The following SMAD9 variants were observed in gnomAD, a reference collection of about 807,000 sequenced individuals.
SMAD9 encodes the protein SMAD family member 9, also known as MAD homolog 9.
A neutral mutation model predicts 46.1 loss-of-function variants in SMAD9; 36 were observed. The ratio of observed to expected loss-of-function variants is 0.78; its 90% CI spans 0.60 to 1.03. The LOEUF (loss-of-function observed/expected upper bound fraction) is 1.03. Among genes scored for constraint, SMAD9 ranks in the 50% least tolerant of loss-of-function variants. SMAD9 has a pLI of 0.00. For missense variants in SMAD9, 572 were observed against 599.8 expected, an observed-to-expected ratio of 0.95 and a Z score of 0.48; for synonymous variants, 245 against 237.1, an observed-to-expected ratio of 1.03 and a Z score of -0.31.
At chr13:36,901,401 T>G (rs548596121) in intron 1 of SMAD9, among the ~76,000 whole-genome samples, 2 of 151,492 alleles carry the variant, frequency 1.3e-5, no homozygotes, top group Non-Finnish European at 2.9e-5. Flanking sequence ...TATATCACTG[T>G]GGGTTTGGCT....
Position 36,863,012 on chromosome 13 carries a change from AGTAAGTACTC to A in SMAD9, c.1003+2515_1003+2524del, listed in dbSNP as rs1168129927. Among the ~76,000 whole-genome samples, 3 of 152,344 alleles carry A rather than the reference AGTAAGTACTC, an allele frequency of 2.0e-5. No homozygotes were observed. In the East Asian group the frequency reaches 5.8e-4, roughly 29 times the overall value. ...CCAGTCTGGCTGAGAGGCGATGCTC[AGTAAGTACTC>A]GTGAGATGAATGCATATTACTAAAA... On this transcript the variant is annotated intron_variant, in intron 5 of 6. Coordinates refer to ENST00000379826, the MANE Select transcript of SMAD9 (RefSeq NM_001127217.3).
At chr13:36,888,180 C>T (rs1032471282) in intron 1 of SMAD9, among the ~76,000 whole-genome samples, 6 of 152,208 alleles carry the variant, frequency 3.9e-5, no homozygotes, top group African/African-American at 1.4e-4. Flanking sequence ...CAAATCTCAT[C>T]TTGAACTGTA....
At chr13:36,853,964 G>T (rs888605695) in intron 5 of SMAD9, among the ~76,000 whole-genome samples, 1 of 152,118 alleles carries the variant, frequency 6.6e-6, no homozygotes, top group Non-Finnish European at 1.5e-5. Context: ...TTCAAGACTA[G>T]CCTGGCCAAC....
At chr13:36,858,192 G>T (rs956745030) in intron 5 of SMAD9, among the ~76,000 whole-genome samples, 5 of 151,950 alleles carry the variant, frequency 3.3e-5, no homozygotes, top group African/African-American at 9.7e-5. Context: ...CAATAAAAAA[G>T]TTTTAATGGG....
At chr13:36,869,218 C>A (rs1179914945) in intron 3 of SMAD9, among the ~76,000 whole-genome samples, 4 of 151,514 alleles carry the variant, frequency 2.6e-5, no homozygotes, top group Non-Finnish European at 5.9e-5. Flanking sequence ...TATGAATGCA[C>A]CTAATGCCAT....
Position 36,853,488 on chromosome 13 carries a change from T to C in SMAD9, c.1191A>G (p.Ser397=), listed in dbSNP as rs1593548211. The change falls in exon 6 of 7, where the codon TCA becomes TCG. Residue 397 remains serine (S), a synonymous_variant. Transcript: ENST00000379826. Reference sequence around the variant, plus strand: ...ACACGACTTCAAAGCCGTGGTGAACTGACTGGGCCAGGAGCTGAGCGAAGA... The same window carrying C: ...ACACGACTTCAAAGCCGTGGTGAACCGACTGGGCCAGGAGCTGAGCGAAGA... ...NQLFAQLLAQ[S]VHHGFEVVYE... The C allele has an allele frequency of 1.9e-6, 3 of 1,614,144 alleles. No individual in the cohort carries two copies. The highest frequency in any genetic ancestry group is 1.7e-6 in the Non-Finnish European group (2 of 1,180,016).
intron 1 of SMAD9, among the ~76,000 whole-genome samples, chr13:36,913,084 TTTTA>T (rs757296378): frequency 5.1e-4 from 78 of 152,324 alleles, no homozygotes; most frequent in Non-Finnish European, 9.1e-4. Context: ...ATATCTTATT[TTTTA>T]TTTGTGTTAT....
intron 5 of SMAD9, among the ~76,000 whole-genome samples, chr13:36,860,473 G>A (rs2058170351): frequency 7.2e-6 from 1 of 138,072 alleles, no homozygotes; most frequent in Admixed American, 7.4e-5. Context: ...TTTTTGAGAT[G>A]GAGTCTCGCT....
In SMAD9 at chr13:36,872,875, G is replaced by A. The variant is rs770177338; in HGVS notation, c.453C>T (p.Asn151=). The A allele has an allele frequency of 6.2e-7, 1 of 1,614,096 alleles. No individual in the cohort carries two copies. Among genetic ancestry groups the A allele is most frequent in the Non-Finnish European group, 8.5e-7 (1 of 1,179,998 alleles). Residue 151 remains asparagine (N), a synonymous_variant, in exon 3 of 7, where the codon AAC becomes AAT. Transcript: ENST00000379826. ...ACTTGGCCAGGAGGCTGAGCTGGGG[G>A]TTATATTCACTGTGTCTTGGCACGA... is the stretch of plus-strand genomic sequence containing the variant. ...PVLVPRHSEY[N]PQLSLLAKFR... is the part of the protein sequence containing the mutation.
rs895659165 is a variant in SMAD9, at chr13:36,846,729, A to G, written c.*1947T>C. On this transcript the variant is annotated 3_prime_UTR_variant, in exon 7 of 7. Coordinates refer to ENST00000379826, the MANE Select transcript of SMAD9 (RefSeq NM_001127217.3). ...GAAGAAAAGTAGCATTTATACAAGG[A>G]ATCCATTACCTGACTTTGCAGAAGA... is the stretch of plus-strand genomic sequence containing the variant. 3.4e-4 allele frequency: 52 copies of G among 152,210 alleles called. 1 individual carries two copies. Among genetic ancestry groups the G allele is most frequent in the African/African-American group, 1.2e-3 (51 of 41,460 alleles). 9.4% of individuals were successfully genotyped at this position (152,210 alleles called of 1,614,324 possible). A position where few individuals can be genotyped will look rare whatever the true frequency, so the allele number is the denominator to read the frequency against.
chr13:36,914,993 T>C (rs567295860), intron 1 of SMAD9, among the ~76,000 whole-genome samples: 1 of 152,370 alleles, frequency 6.6e-6, no homozygotes, highest in East Asian at 1.9e-4. Context: ...CTGTATTTGA[T>C]AGGCTTCTAA....
chr13:36,903,629 T>C lies in SMAD9; in HGVS notation c.-187+16487A>G, dbSNP rs550546593. 2.6e-5 allele frequency among the ~76,000 whole-genome samples: 4 copies of C among 152,210 alleles called. No individual in the cohort carries two copies. In the South Asian group the frequency reaches 6.2e-4, roughly 24 times the overall value. ...GTTTTCTTTGAACTGAGAGAGAAAA[T>C]AGCTTTTGCATCTAATCTCAAAAGT... is the stretch of plus-strand genomic sequence containing the variant. On this transcript the variant is annotated intron_variant, in intron 1 of 6. Coordinates refer to ENST00000379826, the MANE Select transcript of SMAD9 (RefSeq NM_001127217.3).
chr13:36,900,884 T>G (rs986151355), intron 1 of SMAD9, among the ~76,000 whole-genome samples: 1 of 152,204 alleles, frequency 6.6e-6, no homozygotes, highest in Admixed American at 6.5e-5. Context: ...CCAAAACATT[T>G]TGATCACTCC....
intron 1 of SMAD9, among the ~76,000 whole-genome samples, chr13:36,902,996 T>C (rs2058589568): frequency 6.6e-6 from 1 of 151,748 alleles, no homozygotes; most frequent in Non-Finnish European, 1.5e-5. Flanking sequence ...AGGATGGGAG[T>C]ATAAGAAGCG....
At chr13:36,905,367 AGTATCTTCTTTT>A (rs1397858038) in intron 1 of SMAD9, among the ~76,000 whole-genome samples, 1 of 152,108 alleles carries the variant, frequency 6.6e-6, no homozygotes, top group East Asian at 1.9e-4. Context: ...ACTTCTTTTG[AGTATCTTCTTTT>A]GTTAGTTACA....
intron 1 of SMAD9, among the ~76,000 whole-genome samples, chr13:36,911,252 T>G (rs1475102968): frequency 6.6e-6 from 1 of 152,040 alleles, no homozygotes; most frequent in Non-Finnish European, 1.5e-5. Context: ...TCAAGCAATC[T>G]GCCCCCCTTG....
chr13:36,907,628 T>C (rs1001109312), intron 1 of SMAD9, among the ~76,000 whole-genome samples: 19 of 152,102 alleles, frequency 1.2e-4, no homozygotes, highest in Admixed American at 8.5e-4. Context: ...TGAGCTATGA[T>C]TGCACCACTG....
chr13:36,918,095 C>G (rs58854225), intron 1 of SMAD9, among the ~76,000 whole-genome samples: 3,020 of 152,236 alleles, frequency 0.02, 103 homozygotes, highest in African/African-American at 0.069. Flanking sequence ...TGGGCAATCA[C>G]AGATGCAAGA....
At chr13:36,857,925 A>G (rs1451619974) in intron 5 of SMAD9, among the ~76,000 whole-genome samples, 1 of 152,092 alleles carries the variant, frequency 6.6e-6, no homozygotes, top group Non-Finnish European at 1.5e-5. Context: ...CTGCACAGCT[A>G]TTTTAGAAGC....
Sources: gnomAD v4.1 joint callset for allele counts (sites outside exome capture counted in the v4.1 genomes callset) on GRCh38, gnomAD v4.1.1 for gene constraint, MANE v1.5 for transcripts, NCBI Gene and HGNC (gene_info 2026-07-23, HGNC 2026-07-21) for gene names.